The following RFX7 variants were observed in gnomAD, a reference collection of about 807,000 sequenced individuals.
RFX7 encodes the protein DNA-binding protein RFX7.
RFX7 carries 26 observed loss-of-function variants against 111.8 expected under a neutral mutation model. That is an observed-to-expected ratio of 0.23 (90% CI 0.17 to 0.32). The LOEUF is 0.32. Ranked by LOEUF, RFX7 falls within the 10% of genes least tolerant of loss-of-function variation. The pLI is 1.00. For missense variants in RFX7, 1,573 were observed against 1,772.9 expected (o/e 0.89, Z 2.02); for synonymous variants, 624 against 624.4 (o/e 1.00, Z 0.01).
At chr15:56,137,434 T>C (rs143532331) in intron 5 of RFX7, among the ~76,000 whole-genome samples, 11 of 152,210 alleles carry the variant, frequency 7.2e-5, no homozygotes, top group African/African-American at 2.4e-4. Context: ...TGATGTTAGT[T>C]TGCATTTCTG....
intron 2 of RFX7, among the ~76,000 whole-genome samples, chr15:56,199,002 GAA>G (rs200365866): frequency 1.4e-5 from 2 of 138,272 alleles, no homozygotes; most frequent in Non-Finnish European, 1.6e-5. Context: ...CTCTGACAAA[GAA>G]AAAAAAAAAA....
At chr15:56,126,489 C>G (rs1190429012) in intron 5 of RFX7, among the ~76,000 whole-genome samples, 1 of 152,086 alleles carries the variant, frequency 6.6e-6, no homozygotes, top group Non-Finnish European at 1.5e-5. Flanking sequence ...CCACCTGATA[C>G]AGAGGAACAA....
intron 5 of RFX7, among the ~76,000 whole-genome samples, chr15:56,142,308 A>G (rs1364185190): frequency 1.3e-5 from 2 of 152,200 alleles, no homozygotes; most frequent in Admixed American, 1.3e-4. Flanking sequence ...CTTGTCCTTG[A>G]TAAATAATAT....
rs1268938982 is a variant in RFX7, at chr15:56,101,293, T to C, written c.811+66A>G. 21 of 1,337,046 alleles carry C rather than the reference T, an allele frequency of 1.6e-5. No homozygotes were observed. In the African/African-American group the frequency reaches 2.9e-4, roughly 19 times the overall value. 82.8% of individuals were successfully genotyped at this position (1,337,046 alleles called of 1,614,324 possible). The stretch of plus-strand genomic sequence containing the variant: ...GAAGTTCTTTGATCTAACTCTTCTT[T>C]TGCTACCAATTCTAAATACAATAAT... On this transcript the variant is annotated intron_variant, in intron 8 of 9. Coordinates refer to ENST00000559447, the MANE Select transcript of RFX7 (RefSeq NM_022841.7).
Position 56,087,403 on chromosome 15 carries a change from T to G in RFX7, c.*5942A>C. On this transcript the variant is annotated 3_prime_UTR_variant, in exon 10 of 10. Coordinates refer to ENST00000559447, the MANE Select transcript of RFX7 (RefSeq NM_022841.7). ...ATGCCCTGGGCTCCTTGTATCTTGT[T>G]GCTCAATCATCCTCAGCATGTGTCT... 2.2e-6 allele frequency: 1 copy of G among 456,668 alleles called. No homozygotes were observed. 28.3% of individuals were successfully genotyped at this position (456,668 alleles called of 1,614,324 possible).
intron 5 of RFX7, among the ~76,000 whole-genome samples, chr15:56,116,894 G>C (rs1000068921): frequency 4.0e-5 from 6 of 150,750 alleles, no homozygotes; most frequent in Non-Finnish European, 5.9e-5. Flanking sequence ...CAAATATTGA[G>C]TAAAAAAGCC....
chr15:56,199,648 A>G (rs1302223788), intron 2 of RFX7, among the ~76,000 whole-genome samples: 1 of 152,194 alleles, frequency 6.6e-6, no homozygotes, highest in African/African-American at 2.4e-5. Flanking sequence ...ATCTTCAAAT[A>G]AATTTATTTA....
At chr15:56,118,779 C>A (rs563562559) in intron 5 of RFX7, among the ~76,000 whole-genome samples, 5 of 152,316 alleles carry the variant, frequency 3.3e-5, no homozygotes, top group African/African-American at 1.2e-4. Context: ...TAACTATTCT[C>A]TACAGTAGCT....
chr15:56,204,092 C>T (rs72738654), intron 2 of RFX7, among the ~76,000 whole-genome samples: 19,401 of 145,554 alleles, frequency 0.13, 1,633 homozygotes, highest in East Asian at 0.44. Context: ...CCAATCGTGG[C>T]TCATTGTAAC....
At chr15:56,137,581 A>AT (rs1388380501) in intron 5 of RFX7, among the ~76,000 whole-genome samples, 3 of 151,886 alleles carry the variant, frequency 2.0e-5, no homozygotes, top group Non-Finnish European at 4.4e-5. Flanking sequence ...GGATTGATTA[A>AT]TTTTTTGAAG....
At chr15:56,136,897 C>G (rs2042311351) in intron 5 of RFX7, among the ~76,000 whole-genome samples, 1 of 145,720 alleles carries the variant, frequency 6.9e-6, no homozygotes, top group Non-Finnish European at 1.5e-5. Context: ...GTCTTTGGCT[C>G]TGTTTATATG....
In RFX7 at chr15:56,243,136, C is replaced by A; in HGVS notation, c.150G>T (p.Lys50Asn). 6 of 1,360,400 alleles carry A rather than the reference C, an allele frequency of 4.4e-6. No individual in the cohort carries two copies. The highest frequency in any genetic ancestry group is 5.9e-6 in the Non-Finnish European group (6 of 1,019,622). The allele number at this position is 1,360,400 out of a possible 1,614,324, so 84.3% of individuals were successfully genotyped here. A position where few individuals can be genotyped will look rare whatever the true frequency, so the allele number is the denominator to read the frequency against. Reference sequence around the variant, plus strand: ...GAGGATCCTCTTACCAGATGGAGTTCTTGATCTTGTGTTGCAGCGCGCTGG... The same window carrying A: ...GAGGATCCTCTTACCAGATGGAGTTATTGATCTTGTGTTGCAGCGCGCTGG... ...TEASALQHKIKNSICKTVQSK... is the reference protein window; with the variant it reads ...TEASALQHKINNSICKTVQSK... The change falls in exon 2 of 10, where the codon AAG (lysine) becomes AAT (asparagine). Residue 50 changes from lysine (K) to asparagine (N), a missense_variant. Physicochemically the swap from Lys to Asn is moderately conservative, Grantham distance 94 (BLOSUM62 0). Around this residue, in one of 7 missense-constraint regions of RFX7, gnomAD observed 191 missense variants for 194.2 expected, o/e 0.98. Coordinates refer to ENST00000559447, the MANE Select transcript of RFX7 (RefSeq NM_022841.7).
intron 3 of RFX7, among the ~76,000 whole-genome samples, chr15:56,176,923 A>G (rs575094846): frequency 8.5e-6 from 1 of 117,548 alleles, no homozygotes; most frequent in African/African-American, 3.0e-5. Flanking sequence ...CACTGTTCCA[A>G]CAACAGCCAG....
chr15:56,179,603 A>G (rs1243159711), intron 2 of RFX7, among the ~76,000 whole-genome samples: 25 of 152,162 alleles, frequency 1.6e-4, no homozygotes, highest in Non-Finnish European at 1.5e-5. Context: ...TATACTTACA[A>G]GTATGGCCCA....
chr15:56,181,412 C>T (rs565291013), intron 2 of RFX7, among the ~76,000 whole-genome samples: 131 of 152,288 alleles, frequency 8.6e-4, no homozygotes, highest in Admixed American at 1.5e-3. Flanking sequence ...TTCATCATTG[C>T]ACTTATCACC....
At chr15:56,149,559 G>A (rs1290342151) in intron 3 of RFX7, among the ~76,000 whole-genome samples, 3 of 152,188 alleles carry the variant, frequency 2.0e-5, no homozygotes, top group Admixed American at 6.5e-5. Context: ...AGGGCGAGGC[G>A]AAGCAGGGTG....
intron 2 of RFX7, among the ~76,000 whole-genome samples, chr15:56,215,232 G>A (rs1262669190): frequency 1.4e-4 from 22 of 152,096 alleles, no homozygotes; most frequent in Admixed American, 1.4e-3. Context: ...GCTGTATCAT[G>A]TTTTTAAAAT....
intron 5 of RFX7, among the ~76,000 whole-genome samples, chr15:56,120,325 A>G (rs187374000): frequency 5.7e-4 from 87 of 152,340 alleles, no homozygotes; most frequent in Non-Finnish European, 9.7e-4. Flanking sequence ...TAGGAATGCT[A>G]CTGATTTTTG....
At chr15:56,209,226 A>G (rs75845048) in intron 2 of RFX7, among the ~76,000 whole-genome samples, 3 of 151,962 alleles carry the variant, frequency 2.0e-5, no homozygotes, top group African/African-American at 4.8e-5. Flanking sequence ...GATAAGAATT[A>G]TATCTGATTC....
Sources: allele counts gnomAD v4.1 joint callset (sites outside exome capture counted in the v4.1 genomes callset), GRCh38; gene constraint gnomAD v4.1.1; regional missense constraint gnomAD v4.1.1; transcripts MANE v1.5; gene names NCBI Gene and HGNC (gene_info 2026-07-23, HGNC 2026-07-21).